The following PTP4A1 variants were observed in gnomAD, a reference collection of about 807,000 sequenced individuals.
PTP4A1 encodes protein tyrosine phosphatase type IVA 1.
Under a neutral mutation model 20.5 loss-of-function variants are expected in PTP4A1, and 9 were observed. That is an observed-to-expected ratio of 0.44 (90% CI 0.26 to 0.77). The LOEUF (loss-of-function observed/expected upper bound fraction) is 0.77. PTP4A1 is among the 30% of genes least tolerant of loss of function. PTP4A1 has a pLI of 0.19. For synonymous variants in PTP4A1, 78 were observed against 67.4 expected (o/e 1.16, Z -0.77); for missense variants, 137 against 218.8 (o/e 0.63, Z 2.36).
At chr6:63,553,773 GA>G (rs1776549648) in intron 3 of PTP4A1, among the ~76,000 whole-genome samples, 1 of 152,178 alleles carries the variant, frequency 6.6e-6, no homozygotes, top group African/African-American at 2.4e-5. Context: ...GAAGAGAAAG[GA>G]AGAGGAAATT....
At chr6:63,548,461 A>G (rs749668619) in intron 2 of PTP4A1, among the ~76,000 whole-genome samples, 13 of 152,192 alleles carry the variant, frequency 8.5e-5, no homozygotes, top group Non-Finnish European at 1.9e-4. Flanking sequence ...CCACATTCCT[A>G]CATAGGTGCT....
rs1778376372 is a variant in PTP4A1, at chr6:63,583,502, T to A, written c.*3328T>A. 1 of 152,202 alleles carries A rather than the reference T, an allele frequency of 6.6e-6. No homozygotes were observed. Among genetic ancestry groups the A allele is most frequent in the African/African-American group, 2.4e-5 (1 of 41,446 alleles). The allele number at this position is 152,202 out of a possible 1,614,324, so 9.4% of individuals were successfully genotyped here. ...AATGAATTAAACCAGTGATATGTGT[T>A]AACGTATGAATGAAAGGATTGATGG... On this transcript the variant is annotated 3_prime_UTR_variant, in exon 6 of 6. Transcript: ENST00000626021.
intron 1 of PTP4A1, among the ~76,000 whole-genome samples, chr6:63,576,078 C>G (rs1189953690): frequency 6.7e-6 from 1 of 149,562 alleles, no homozygotes; most frequent in Admixed American, 6.7e-5. Flanking sequence ...TTATTAGAAT[C>G]ATATAATTAT....
intron 3 of PTP4A1, 47 bp downstream of exon 3, chr6:63,578,576 A>G: frequency 1.3e-6 from 2 of 1,571,472 alleles, no homozygotes; most frequent in Non-Finnish European, 1.7e-6. Context: ...GTGCTACAAA[A>G]GTTTATTCAA....
In PTP4A1 at chr6:63,579,305, C is replaced by T. The variant is rs1269847224; in HGVS notation, c.378C>T (p.Tyr126=). The T allele has an allele frequency of 1.6e-5, 26 of 1,609,630 alleles. No homozygotes were observed. Among genetic ancestry groups the T allele is most frequent in the South Asian group, 6.6e-5 (6 of 90,680 alleles). ...CATTAATTGAAGGTGGAATGAAATACGAAGATGCAGTACAATTCATAAGAC... is the reference window on the plus strand; with the variant it reads ...CATTAATTGAAGGTGGAATGAAATATGAAGATGCAGTACAATTCATAAGAC... ...ALALIEGGMK[Y]EDAVQFIRQK... is the part of the protein sequence containing the mutation. The change falls in exon 5 of 6, where the codon TAC becomes TAT. Residue 126 remains tyrosine (Y), a synonymous_variant. Transcript: ENST00000626021.
intron 2 of PTP4A1, among the ~76,000 whole-genome samples, chr6:63,547,414 T>C (rs1372629247): frequency 6.6e-6 from 1 of 151,498 alleles, no homozygotes; most frequent in Non-Finnish European, 1.5e-5. Flanking sequence ...GGTCTTGAAC[T>C]CCTGACCTCA....
intron 3 of PTP4A1, among the ~76,000 whole-genome samples, chr6:63,559,216 C>T (rs527521031): frequency 6.6e-6 from 1 of 152,240 alleles, no homozygotes; most frequent in Non-Finnish European, 1.5e-5. Context: ...TAAATACTCC[C>T]TTGTAACAAA....
upstream of PTP4A1, among the ~76,000 whole-genome samples, chr6:63,518,113 T>C (rs1391076041): frequency 7.2e-6 from 1 of 138,462 alleles, no homozygotes; most frequent in Non-Finnish European, 1.5e-5. Context: ...GATAGTACCA[T>C]ATCGCACTCC....
At chr6:63,577,588 G>A (rs950333057) in intron 2 of PTP4A1, among the ~76,000 whole-genome samples, 27 of 151,804 alleles carry the variant, frequency 1.8e-4, no homozygotes, top group African/African-American at 6.0e-4. Flanking sequence ...ATGGAGTCTC[G>A]TTCTGTCACC....
upstream of PTP4A1, among the ~76,000 whole-genome samples, chr6:63,519,584 A>G (rs576196559): frequency 1.3e-5 from 2 of 152,154 alleles, 1 homozygote; most frequent in Non-Finnish European, 2.9e-5. Context: ...TGTTCCATAT[A>G]CTTGGCACAA....
chr6:63,530,744 T>C (rs557615234), intron 2 of PTP4A1, among the ~76,000 whole-genome samples: 92 of 152,328 alleles, frequency 6.0e-4, no homozygotes, highest in African/African-American at 2.2e-3. Flanking sequence ...TCTAGAGGCA[T>C]ACCTGAATTC....
chr6:63,579,379 T>C, intron 5 of PTP4A1, 48 bp downstream of exon 5: 4 of 1,445,106 alleles, frequency 2.8e-6, no homozygotes, highest in Non-Finnish European at 3.8e-6. Context: ...CATTTCCTTG[T>C]TGAGTGTCAG....
upstream of PTP4A1, among the ~76,000 whole-genome samples, chr6:63,568,219 G>A (rs1312243759): frequency 1.3e-5 from 2 of 152,038 alleles, no homozygotes; most frequent in Non-Finnish European, 1.5e-5. Flanking sequence ...CCTAGTTTTC[G>A]GCCTATCTCT....
upstream of PTP4A1, among the ~76,000 whole-genome samples, chr6:63,520,282 G>A (rs1378953349): frequency 6.6e-6 from 1 of 152,044 alleles, no homozygotes; most frequent in African/African-American, 2.4e-5. Context: ...TGGCCTTCAG[G>A]AGATCTATCA....
intron 3 of PTP4A1, among the ~76,000 whole-genome samples, chr6:63,558,215 A>T (rs1259677214): frequency 6.6e-6 from 1 of 152,132 alleles, no homozygotes; most frequent in African/African-American, 2.4e-5. Flanking sequence ...GGGACAAGAC[A>T]AGTCATTGAA....
At chr6:63,543,155 T>C (rs914278306) in intron 2 of PTP4A1, among the ~76,000 whole-genome samples, 3 of 152,224 alleles carry the variant, frequency 2.0e-5, no homozygotes, top group Admixed American at 2.0e-4. Context: ...CTTTGAAGCA[T>C]AAGCCAGTCA....
upstream of PTP4A1, among the ~76,000 whole-genome samples, chr6:63,568,391 G>A (rs367816573): frequency 8.5e-5 from 13 of 152,252 alleles, no homozygotes; most frequent in East Asian, 5.8e-4. Flanking sequence ...GCCCATCAGC[G>A]GAGCAGTCAG....
At chr6:63,549,161 G>A (rs891075704) in intron 2 of PTP4A1, 1 of 685,112 alleles carries the variant, frequency 1.5e-6, no homozygotes, top group Non-Finnish European at 2.6e-6. Flanking sequence ...TTTTGGCCAG[G>A]GCCAACAGCC....
In PTP4A1 at chr6:63,546,235, T is replaced by C. The variant is rs149062918; in HGVS notation, c.-639-4065T>C. On this transcript the variant is annotated intron_variant, in intron 2 of 3. Coordinates refer to the PTP4A1 transcript ENST00000639568. ...AAGAAGGAAATACTGTCCTTTGCTA[T>C]GACATGAATGCACCTGGAGGACATT... 5.2e-3 allele frequency among the ~76,000 whole-genome samples: 799 copies of C among 152,286 alleles called. 1 individual carries two copies. Among genetic ancestry groups the C allele is most frequent in the African/African-American group, 0.018 (730 of 41,560 alleles).
Sources: allele counts gnomAD v4.1 joint callset (sites outside exome capture counted in the v4.1 genomes callset), GRCh38; gene constraint gnomAD v4.1.1; transcripts MANE v1.5; gene names NCBI Gene and HGNC (gene_info 2026-07-23, HGNC 2026-07-21).